The following PRKCE variants were observed in gnomAD, a reference collection of about 807,000 sequenced individuals.
PRKCE encodes the protein protein kinase C epsilon type.
In PRKCE, 16 loss-of-function variants were observed where a neutral mutation model predicts 85.4. The observed-to-expected ratio is 0.19, with a 90% CI of 0.13 to 0.28. PRKCE has a LOEUF of 0.28. Ranked by LOEUF, PRKCE falls within the 10% of genes least tolerant of loss-of-function variation. PRKCE has a pLI of 1.00. For synonymous variants in PRKCE, 388 were observed against 371.5 expected (o/e 1.04, Z -0.51); for missense variants, 573 against 975.2 (o/e 0.59, Z 5.49).
intron 2 of PRKCE, among the ~76,000 whole-genome samples, chr2:45,861,080 G>A (rs1269684568): frequency 6.6e-6 from 1 of 152,164 alleles, no homozygotes; most frequent in African/African-American, 2.4e-5. Flanking sequence ...CGAGAATTTG[G>A]CTTTTCAGGA....
At chr2:46,164,834 T>G (rs931304589) in intron 14 of PRKCE, 1 of 152,226 alleles carries the variant, frequency 6.6e-6, no homozygotes, top group Admixed American at 6.5e-5. Context: ...GACCCCTGGG[T>G]CACCACCACA....
At chr2:46,081,464 G>A (rs1236270172) in intron 10 of PRKCE, among the ~76,000 whole-genome samples, 2 of 152,172 alleles carry the variant, frequency 1.3e-5, no homozygotes, top group Admixed American at 6.5e-5. Flanking sequence ...CACAGACTAC[G>A]GCGGGGAGGG....
chr2:45,915,110 A>G (rs1480914666), intron 2 of PRKCE, among the ~76,000 whole-genome samples: 1 of 152,148 alleles, frequency 6.6e-6, no homozygotes, highest in African/African-American at 2.4e-5. Flanking sequence ...GCTGGTCTCG[A>G]ACTCCTTACC....
chr2:45,873,427 G>A (rs974541489), intron 2 of PRKCE, among the ~76,000 whole-genome samples: 30 of 149,248 alleles, frequency 2.0e-4, no homozygotes, highest in African/African-American at 4.9e-4. Flanking sequence ...CGAGTCAGGC[G>A]TACCAAGACC....
At chr2:46,165,452 A>G (rs1050317757) in intron 14 of PRKCE, among the ~76,000 whole-genome samples, 9 of 152,178 alleles carry the variant, frequency 5.9e-5, no homozygotes, top group African/African-American at 2.2e-4. Context: ...TCCAGCACTG[A>G]GGGGTTGGGG....
At chr2:45,976,139 C>G (rs1366102552) in intron 2 of PRKCE, among the ~76,000 whole-genome samples, 1 of 152,182 alleles carries the variant, frequency 6.6e-6, no homozygotes, top group Non-Finnish European at 1.5e-5. Context: ...CAGCTGTAGC[C>G]TGTGTGGGGA....
At chr2:45,760,649 A>G (rs1179689836) in intron 1 of PRKCE, among the ~76,000 whole-genome samples, 1 of 152,190 alleles carries the variant, frequency 6.6e-6, no homozygotes, top group Non-Finnish European at 1.5e-5. Context: ...TGTAAAATTA[A>G]CTTAGAATCA....
chr2:46,007,793 G>C, intron 9 of PRKCE, 132 bp downstream of exon 9: 1 of 1,026,358 alleles, frequency 9.7e-7, no homozygotes, highest in Non-Finnish European at 1.4e-6. Context: ...TTTTGTAAGT[G>C]CAAATGACCT....
chr2:46,131,768 G>T lies in PRKCE; in HGVS notation c.1593-13325G>T, dbSNP rs1574553335. 4.6e-5 allele frequency among the ~76,000 whole-genome samples: 7 copies of T among 152,282 alleles called. No homozygotes were observed. The South Asian group carries it at 1.5e-3, about 32-fold the overall frequency. ...TGCAGACTCTACTGCCTTGAAAAAG[G>T]GCATGTCTCCCAGTGTCACTCCAAG... On this transcript the variant is annotated intron_variant, in intron 11 of 14. Transcript: ENST00000306156.
chr2:45,921,076 C>T (rs1036427124), intron 2 of PRKCE, among the ~76,000 whole-genome samples: 1 of 152,196 alleles, frequency 6.6e-6, no homozygotes, highest in Non-Finnish European at 1.5e-5. Flanking sequence ...TGTCCCCTGC[C>T]CTAAAATGTT....
rs1675942939 is a variant in PRKCE at position 46,145,174 on chromosome 2, T to C, written c.1674T>C (p.Ile558=). The C allele has an allele frequency of 6.3e-7, 1 of 1,599,726 alleles. No homozygotes were observed. The highest frequency in any genetic ancestry group is 8.5e-7 in the Non-Finnish European group (1 of 1,179,944). The change falls in exon 12 of 15, where the codon ATT becomes ATC. Residue 558 remains isoleucine, a synonymous_variant. Coordinates refer to ENST00000306156, the MANE Select transcript of PRKCE (RefSeq NM_005400.3). The surrounding 1 kb of genome is among the most constrained non-coding windows in gnomAD (Gnocchi z 4.6). The part of the protein sequence containing the change: ...LADFGMCKEG[I]LNGVTTTTFC... The stretch of plus-strand genomic sequence containing the variant: ...ACTTCGGGATGTGCAAGGAAGGGAT[T>C]CTGAATGGTGTGACGACCACCACGT...
intron 2 of PRKCE, among the ~76,000 whole-genome samples, chr2:45,955,897 G>A (rs886077704): frequency 1.3e-5 from 2 of 151,810 alleles, no homozygotes; most frequent in South Asian, 4.2e-4. Flanking sequence ...AACCATTATC[G>A]CAATAAAAAT....
At chr2:45,934,329 G>T (rs1209309051) in intron 2 of PRKCE, among the ~76,000 whole-genome samples, 1 of 152,170 alleles carries the variant, frequency 6.6e-6, no homozygotes, top group African/African-American at 2.4e-5. Context: ...GAATGTGACG[G>T]AAAAAGCCAA....
intron 1 of PRKCE, among the ~76,000 whole-genome samples, chr2:45,746,017 G>A (rs1683106255): frequency 1.3e-5 from 2 of 152,160 alleles, no homozygotes; most frequent in African/African-American, 4.8e-5. Flanking sequence ...GCCTACAAGT[G>A]ATAGCCAAAA....
chr2:46,160,362 G>A (rs543482037), intron 14 of PRKCE, among the ~76,000 whole-genome samples: 3 of 152,374 alleles, frequency 2.0e-5, no homozygotes, highest in Non-Finnish European at 4.4e-5. Context: ...ATGTAACACA[G>A]GGCAGTTGAA....
intron 11 of PRKCE, among the ~76,000 whole-genome samples, chr2:46,141,157 C>T (rs4952803): frequency 0.95 from 144,359 of 152,270 alleles, 68,518 homozygotes; most frequent in East Asian, 1. Context: ...TATAGTTACC[C>T]TCACATATGT....
intron 1 of PRKCE, among the ~76,000 whole-genome samples, chr2:45,670,711 A>G (rs1383558144): frequency 6.6e-6 from 1 of 152,240 alleles, no homozygotes; most frequent in Non-Finnish European, 1.5e-5. Flanking sequence ...ACAATTCCAT[A>G]AAAGCAAATA....
At position 45,772,309 on chromosome 2, in the gene PRKCE, A is replaced by C. The variant is rs573021165; in HGVS notation, c.349-70691A>C. Among the ~76,000 whole-genome samples, 12 of 152,026 alleles carry C rather than the reference A, an allele frequency of 7.9e-5. No individual in the cohort carries two copies. The East Asian group carries it at 2.3e-3, about 29-fold the overall frequency. ...AAAAAAAAGCCAGACAGCAAGGAAA[A>C]GATAGGGAGTAAAAGTAACCTAAGG... On this transcript the variant is annotated intron_variant, in intron 1 of 14. Transcript: ENST00000306156.
At chr2:46,154,145 C>T (rs1345977380) in intron 13 of PRKCE, among the ~76,000 whole-genome samples, 1 of 152,098 alleles carries the variant, frequency 6.6e-6, no homozygotes, top group Non-Finnish European at 1.5e-5. Context: ...GCAGGGCTAA[C>T]CCTCGGAGGA....
Sources: gnomAD v4.1 joint callset for allele counts (sites outside exome capture counted in the v4.1 genomes callset) on GRCh38, gnomAD v4.1.1 for gene constraint, Gnocchi (gnomAD v3.1) non-coding constraint, MANE v1.5 for transcripts, NCBI Gene and HGNC (gene_info 2026-07-23, HGNC 2026-07-21) for gene names.